The following SLC35E4 variants were observed in gnomAD, a reference collection of about 807,000 sequenced individuals.
SLC35E4 encodes the protein solute carrier family 35 member E4.
SLC35E4 carries 15 observed loss-of-function variants against 19.3 expected under a neutral mutation model. The ratio of observed to expected loss-of-function variants is 0.78; its 90% CI spans 0.52 to 1.20. The LOEUF (loss-of-function observed/expected upper bound fraction) is 1.20. Among genes scored for constraint, SLC35E4 ranks in the 50% most tolerant of loss-of-function variants. The probability of loss-of-function intolerance (pLI) is 0.00; values close to 1 mark genes in which losing one functional copy is unlikely to be tolerated. For synonymous variants in SLC35E4, 219 were observed against 219.9 expected (o/e 1.00, Z 0.04); for missense variants, 406 against 472.3 (o/e 0.86, Z 1.30).
downstream of SLC35E4, among the ~76,000 whole-genome samples, chr22:30,651,371 T>TTTTTTGTGTGTG (rs1555899345): frequency 4.9e-5 from 2 of 41,228 alleles, no homozygotes; most frequent in African/African-American, 2.2e-4. Context: ...TGGCTAATTT[T>TTTTTTGTGTGTG]TGTGTGTGTG....
intron 1 of SLC35E4, among the ~76,000 whole-genome samples, chr22:30,638,599 G>A (rs953640897): frequency 2.7e-5 from 4 of 150,424 alleles, no homozygotes; most frequent in Admixed American, 2.6e-4. Flanking sequence ...ATCACCTGAG[G>A]TCAGGAGTTC....
rs2088144240 is a variant in SLC35E4 at position 30,646,996 on chromosome 22, C to T, written c.1018C>T (p.Leu340=). The T allele has an allele frequency of 6.2e-7, 1 of 1,611,548 alleles. No homozygotes were observed. Residue 340 remains leucine (L), a synonymous_variant, in exon 2 of 2, where the codon CTG becomes TTG. Transcript: ENST00000343605. ...GGCCTCCTGGGCTGCCCGTCGGGGG[C>T]TGTGGCGGAGGGACCAGCCCAGCAA... ...FVASWAARRG[L]WRRDQPSKGL is the part of the protein sequence containing the mutation.
chr22:30,664,099 T>G, downstream of SLC35E4: 3 of 1,151,714 alleles, frequency 2.6e-6, no homozygotes, highest in Non-Finnish European at 3.7e-6. Context: ...AGGGAGAGGA[T>G]GTTTAGAGGG....
chr22:30,663,210 G>A, exon 3 of SLC35E4: 1 of 535,936 alleles, frequency 1.9e-6, no homozygotes, highest in Non-Finnish European at 3.3e-6. Context: ...CCTGGCCAGT[G>A]TCACTCACAG....
chr22:30,655,519 C>A (rs1325562739), intron 2 of SLC35E4, among the ~76,000 whole-genome samples: 1 of 142,828 alleles, frequency 7.0e-6, no homozygotes, highest in Non-Finnish European at 1.5e-5. Flanking sequence ...TTTTTTTTTT[C>A]TTCCAGGAAA....
chr22:30,636,339 G>C lies in SLC35E4; in HGVS notation c.-112G>C, dbSNP rs1034933176. On this transcript the variant is annotated 5_prime_UTR_variant, in exon 1 of 2. Transcript: ENST00000343605. Reference sequence around the variant, plus strand: ...AGCAGTGTCCTCACCTGTCTGAAACGGGACACGGGGTCGGAGGAACCAGGA... The same window carrying C: ...AGCAGTGTCCTCACCTGTCTGAAACCGGACACGGGGTCGGAGGAACCAGGA... 6.8e-5 allele frequency: 94 copies of C among 1,380,206 alleles called. No individual in the cohort carries two copies. The highest frequency in any genetic ancestry group is 8.7e-5 in the Non-Finnish European group (91 of 1,051,072). The allele number at this position is 1,380,206 out of a possible 1,614,324, so 85.5% of individuals were successfully genotyped here.
chr22:30,668,327 C>G (rs1054215286), exon 3 of SLC35E4: 1 of 152,282 alleles, frequency 6.6e-6, no homozygotes, highest in African/African-American at 2.4e-5. Context: ...TGCCCAGAGC[C>G]TTCGTTAGAC....
downstream of SLC35E4, among the ~76,000 whole-genome samples, chr22:30,649,590 T>C (rs771267437): frequency 3.5e-5 from 5 of 141,366 alleles, 1 homozygote; most frequent in Non-Finnish European, 7.8e-5. Flanking sequence ...CGGCCTGGGC[T>C]GAGTCACCTG....
At chr22:30,659,103 G>A (rs544235756) in intron 2 of SLC35E4, among the ~76,000 whole-genome samples, 56 of 137,522 alleles carry the variant, frequency 4.1e-4, no homozygotes, top group Non-Finnish European at 7.3e-4. Context: ...CAGCCTAGGC[G>A]ACACAGCGAG....
At chr22:30,640,459 T>G (rs2088019920) in intron 1 of SLC35E4, among the ~76,000 whole-genome samples, 1 of 152,034 alleles carries the variant, frequency 6.6e-6, no homozygotes, top group African/African-American at 2.4e-5. Flanking sequence ...GCATGGTCTA[T>G]GTGACTCCAG....
downstream of SLC35E4, chr22:30,665,465 T>A: frequency 2.1e-6 from 1 of 466,266 alleles, no homozygotes; most frequent in Non-Finnish European, 4.5e-6. Flanking sequence ...TGCTGATCTC[T>A]CAGTCTCTTT....
downstream of SLC35E4, chr22:30,664,038 G>A (rs762668743): frequency 4.4e-6 from 7 of 1,575,522 alleles, no homozygotes; most frequent in East Asian, 1.6e-4. Context: ...AGTCAGCGAA[G>A]CACGAAGGCT....
chr22:30,659,890 A>G (rs1264603125), intron 2 of SLC35E4, among the ~76,000 whole-genome samples: 1 of 152,194 alleles, frequency 6.6e-6, no homozygotes, highest in African/African-American at 2.4e-5. Context: ...GAAAAGTTAG[A>G]AGTATTTAAA....
chr22:30,656,412 C>T (rs1273316146), intron 2 of SLC35E4, among the ~76,000 whole-genome samples: 1 of 152,176 alleles, frequency 6.6e-6, no homozygotes, highest in Non-Finnish European at 1.5e-5. Context: ...TCCTCAGGGC[C>T]AACAGCATGT....
In SLC35E4 at chr22:30,636,379, A is replaced by C; in HGVS notation, c.-72A>C. 2 of 1,434,090 alleles carry C rather than the reference A, an allele frequency of 1.4e-6. No individual in the cohort carries two copies. The highest frequency in any genetic ancestry group is 1.5e-5 in the South Asian group (1 of 68,312). The allele number at this position is 1,434,090 out of a possible 1,614,324, so 88.8% of individuals were successfully genotyped here. A position where few individuals can be genotyped will look rare whatever the true frequency, so the allele number is the denominator to read the frequency against. On this transcript the variant is annotated 5_prime_UTR_variant, in exon 1 of 2. Coordinates refer to ENST00000343605, the MANE Select transcript of SLC35E4 (RefSeq NM_001001479.4). ...AGGAACCAGGATCTAGCCTGGCCCC[A>C]AGCGGAACTCTCTGGTGGCCCAGAG...
In SLC35E4 at chr22:30,636,923, G is replaced by C. The variant is rs747159126; in HGVS notation, c.473G>C (p.Arg158Pro). 3.1e-6 allele frequency: 5 copies of C among 1,611,578 alleles called. No homozygotes were observed. The highest frequency in any genetic ancestry group is 4.2e-6 in the Non-Finnish European group (5 of 1,179,158). Residue 158 changes from arginine (R) to proline (P), a missense_variant, in exon 1 of 2, where the codon CGC becomes CCC. By Grantham distance (103) the Arg-to-Pro change is moderately radical (BLOSUM62 -2). Coordinates refer to ENST00000343605, the MANE Select transcript of SLC35E4 (RefSeq NM_001001479.4). The part of the protein sequence containing the change: ...LALSALLLGR[R>P]HHPLQLAAMG... ...CTGTCGGCGCTGCTGCTGGGCCGCC[G>C]CCACCACCCACTTCAGTTGGCCGCC...
intron 1 of SLC35E4, 107 bp from the exon 2 acceptor site, chr22:30,646,491 C>A: frequency 1.5e-6 from 2 of 1,336,060 alleles, no homozygotes; most frequent in Non-Finnish European, 2.0e-6. Flanking sequence ...TAGCCCTGCC[C>A]GAGGGGTCCG....
downstream of SLC35E4, among the ~76,000 whole-genome samples, chr22:30,650,085 A>G (rs1309352977): frequency 1.3e-5 from 2 of 149,494 alleles, 1 homozygote; most frequent in Non-Finnish European, 3.0e-5. Flanking sequence ...TAATCCCAGT[A>G]CTTTGGGAGT....
At chr22:30,663,938 C>G (rs780641324), downstream of SLC35E4, 1 of 1,614,174 alleles carries the variant, frequency 6.2e-7, no homozygotes, top group Non-Finnish European at 8.5e-7. Flanking sequence ...TTTTGGTTAT[C>G]TGCGAGAGGC....
Sources: allele counts gnomAD v4.1 joint callset (sites outside exome capture counted in the v4.1 genomes callset), GRCh38; gene constraint gnomAD v4.1.1; transcripts MANE v1.5; gene names NCBI Gene and HGNC (gene_info 2026-07-23, HGNC 2026-07-21).